RBM27: variants seen among roughly 807,000 people sequenced by gnomAD.
The protein encoded by RBM27 is RNA-binding protein 27.
A neutral mutation model predicts 135.3 loss-of-function variants in RBM27; 22 were observed. That is an observed-to-expected ratio of 0.16 (90% confidence interval 0.12 to 0.23). The LOEUF (loss-of-function observed/expected upper bound fraction) is 0.23. Ranked by LOEUF, RBM27 falls within the 10% of genes least tolerant of loss-of-function variation. The pLI, the probability that RBM27 is intolerant of heterozygous loss-of-function variation, is 1.00. For missense variants in RBM27, 1,009 were observed against 1,281.0 expected (o/e 0.79, Z 3.24); for synonymous variants, 481 against 442.4 (o/e 1.09, Z -1.10).
chr5:146,240,622 C>T (rs776223933), intron 8 of RBM27, among the ~76,000 whole-genome samples: 38 of 152,126 alleles, frequency 2.5e-4, no homozygotes, highest in African/African-American at 8.7e-4. Context: ...CCCCTGTGCC[C>T]GGCCTTTTGC....
chr5:146,238,023 A>G (rs1453702203), intron 8 of RBM27, among the ~76,000 whole-genome samples: 1 of 152,158 alleles, frequency 6.6e-6, no homozygotes, highest in African/African-American at 2.4e-5. Context: ...ATTTATTTTG[A>G]AGCTTTTTAA....
At chr5:146,242,754 C>T (rs567436007) in intron 8 of RBM27, among the ~76,000 whole-genome samples, 6 of 151,962 alleles carry the variant, frequency 3.9e-5, no homozygotes, top group East Asian at 3.9e-4. Flanking sequence ...CCACCAAGCC[C>T]GGCTAATTTT....
chr5:146,270,625 A>T (rs1739029983), intron 17 of RBM27, among the ~76,000 whole-genome samples: 1 of 152,172 alleles, frequency 6.6e-6, no homozygotes, highest in African/African-American at 2.4e-5. Flanking sequence ...ATACATTTTT[A>T]CTATATAATT....
intron 17 of RBM27, 85 bp from the exon 18 acceptor site, chr5:146,270,867 ATG>A (rs1163103128): frequency 7.6e-6 from 6 of 788,518 alleles, no homozygotes; most frequent in Non-Finnish European, 1.0e-5. Flanking sequence ...TCCAAAATAC[ATG>A]TGTGTCATTG....
In RBM27 at chr5:146,269,598, T is replaced by C; in HGVS notation, c.2691+14T>C. On this transcript the variant is annotated intron_variant, in intron 17 of 20. Transcript: ENST00000265271. Reference sequence around the variant, plus strand: ...ACAAAAACGGAGGTATCTATTTGCATTTTTTATTTAACATAGGGTTATTGA... The same window carrying C: ...ACAAAAACGGAGGTATCTATTTGCACTTTTTATTTAACATAGGGTTATTGA... The C allele has an allele frequency of 6.6e-7, 1 of 1,507,442 alleles. No homozygotes were observed. Among genetic ancestry groups the C allele is most frequent in the African/African-American group, 1.4e-5 (1 of 70,558 alleles). 93.4% of individuals were successfully genotyped at this position (1,507,442 alleles called of 1,614,324 possible). A position where few individuals can be genotyped will look rare whatever the true frequency, so the allele number is the denominator to read the frequency against.
chr5:146,221,726 C>G (rs931573529), intron 2 of RBM27, among the ~76,000 whole-genome samples: 4 of 152,158 alleles, frequency 2.6e-5, no homozygotes, highest in African/African-American at 9.7e-5. Flanking sequence ...GCCACTGTGC[C>G]TGGCCAGAAA....
At chr5:146,220,488 AAATAT>A (rs1233702115) in intron 2 of RBM27, among the ~76,000 whole-genome samples, 7 of 133,388 alleles carry the variant, frequency 5.2e-5, no homozygotes, top group East Asian at 2.2e-4. Flanking sequence ...AAAAAAAAAA[AAATAT>A]ATATATATAT....
At chr5:146,274,910 G>A (rs978160939) in intron 19 of RBM27, among the ~76,000 whole-genome samples, 2 of 151,766 alleles carry the variant, frequency 1.3e-5, no homozygotes, top group African/African-American at 4.8e-5. Flanking sequence ...AGATACAGAT[G>A]ATCTCCTTTA....
At chr5:146,278,133 G>A (rs922156517) in intron 19 of RBM27, among the ~76,000 whole-genome samples, 3 of 152,198 alleles carry the variant, frequency 2.0e-5, no homozygotes, top group Admixed American at 1.3e-4. Flanking sequence ...CCCTCATATA[G>A]CACTTGAATT....
At chr5:146,215,517 C>G (rs1041342793) in intron 1 of RBM27, among the ~76,000 whole-genome samples, 3 of 152,116 alleles carry the variant, frequency 2.0e-5, no homozygotes, top group Non-Finnish European at 4.4e-5. Context: ...CATTTTCTTC[C>G]ATTCTTATTT....
At chr5:146,220,474 CAAA>C (rs55722840) in intron 2 of RBM27, among the ~76,000 whole-genome samples, 3,850 of 115,346 alleles carry the variant, frequency 0.033, 67 homozygotes, top group African/African-American at 0.06. Context: ...GAGTCCATCT[CAAA>C]AAAAAAAAAA....
At chr5:146,217,464 GTTTTTTTTTTTTTT>G (rs545963169) in intron 1 of RBM27, among the ~76,000 whole-genome samples, 11 of 70,748 alleles carry the variant, frequency 1.6e-4, no homozygotes, top group African/African-American at 1.8e-4. Flanking sequence ...GCTGAAGCCT[GTTTTTTTTTTTTTT>G]TTTTTTTTTT....
At chr5:146,207,960 T>TTTTC (rs1755771126) in intron 1 of RBM27, among the ~76,000 whole-genome samples, 1 of 143,050 alleles carries the variant, frequency 7.0e-6, no homozygotes, top group African/African-American at 2.6e-5. Flanking sequence ...GGTTTTTTTT[T>TTTTC]TTTTTTTTTT....
chr5:146,257,056 A>T (rs916652374), intron 10 of RBM27, among the ~76,000 whole-genome samples: 1 of 152,222 alleles, frequency 6.6e-6, no homozygotes, highest in African/African-American at 2.4e-5. Flanking sequence ...AGCAAGGATC[A>T]CGTCTATTTT....
At chr5:146,203,855 G>A in intron 1 of RBM27, 31 bp downstream of exon 1, 2 of 1,230,624 alleles carry the variant, frequency 1.6e-6, no homozygotes, top group Non-Finnish European at 2.1e-6. Flanking sequence ...CGGGGCCGGC[G>A]AACGTGGGCG....
At position 146,230,800 on chromosome 5, in the gene RBM27, C is replaced by T. The variant is rs1171199780; in HGVS notation, c.733C>T (p.Pro245Ser). Residue 245 changes from proline (P) to serine (S), a missense_variant, in exon 6 of 21, where the codon CCT becomes TCT. This residue lies in a region of RBM27 where 268 missense variants were observed against 326.6 expected (regional missense o/e 0.82). Coordinates refer to ENST00000265271, the MANE Select transcript of RBM27 (RefSeq NM_018989.2). ...SIPSTVTVIAPAHHSENTTES... is the reference protein window; with the variant it reads ...SIPSTVTVIASAHHSENTTES... ...TCCCAGCACTGTTACTGTGATCGCACCTGCTCACCACTCTGAAAACACAAC... is the reference window on the plus strand; with the variant it reads ...TCCCAGCACTGTTACTGTGATCGCATCTGCTCACCACTCTGAAAACACAAC... The T allele has an allele frequency of 6.2e-7, 1 of 1,613,958 alleles. No individual in the cohort carries two copies. Among genetic ancestry groups the T allele is most frequent in the East Asian group, 2.2e-5 (1 of 44,872 alleles).
chr5:146,267,273 C>T (rs1231027246), intron 14 of RBM27, among the ~76,000 whole-genome samples: 1 of 152,168 alleles, frequency 6.6e-6, no homozygotes, highest in East Asian at 1.9e-4. Flanking sequence ...AAAGAAGCGG[C>T]AGTCATTACC....
rs1758836577 is a variant in RBM27 at position 146,270,976 on chromosome 5, C to T, written c.2714C>T (p.Thr905Ile). Residue 905 changes from threonine (T) to isoleucine (I), a missense_variant, in exon 18 of 21, where the codon ACT becomes ATT. Thr to Ile is a moderately conservative substitution (Grantham distance 89). Coordinates refer to ENST00000265271, the MANE Select transcript of RBM27 (RefSeq NM_018989.2). Reference sequence around the variant, plus strand: ...AAGGCCCAGAAGGAGTTATTAGATACTGAACTGGACCTCCACAAGAGGCTG... The same window carrying T: ...AAGGCCCAGAAGGAGTTATTAGATATTGAACTGGACCTCCACAAGAGGCTG... The part of the protein sequence containing the change: ...KTEAQKELLD[T>I]ELDLHKRLSS... The T allele has an allele frequency of 6.2e-7, 1 of 1,612,524 alleles. No individual in the cohort carries two copies. The highest frequency in any genetic ancestry group is 1.3e-5 in the African/African-American group (1 of 74,828).
In RBM27 at chr5:146,231,018, TTTATC is replaced by T. The variant is rs1263753712; in HGVS notation, c.850+106_850+110del. The T allele has an allele frequency of 2.8e-5, 36 of 1,293,926 alleles. No individual in the cohort carries two copies. In the African/African-American group the frequency reaches 5.0e-4, roughly 18 times the overall value. 80.2% of individuals were successfully genotyped at this position (1,293,926 alleles called of 1,614,324 possible). A position where few individuals can be genotyped will look rare whatever the true frequency, so the allele number is the denominator to read the frequency against. On this transcript the variant is annotated intron_variant, in intron 6 of 20. Coordinates refer to ENST00000265271, the MANE Select transcript of RBM27 (RefSeq NM_018989.2). ...TTAGTTATAGTCCAGTTTATTTTAT[TTTATC>T]TTATTTTATTTATTTTGAGACAGAG...
Sources: gnomAD v4.1 joint callset for allele counts (sites outside exome capture counted in the v4.1 genomes callset) on GRCh38, gnomAD v4.1.1 for gene constraint, gnomAD v4.1.1 regional missense constraint, MANE v1.5 for transcripts, NCBI Gene and HGNC (gene_info 2026-07-23, HGNC 2026-07-21) for gene names.